The following CRYBA4 variants were observed in gnomAD, a reference collection of about 807,000 sequenced individuals.
The protein encoded by CRYBA4 is beta-crystallin A4.
Under a neutral mutation model 31.7 loss-of-function variants are expected in CRYBA4, and 30 were observed. That is an observed-to-expected ratio of 0.95 (90% CI 0.71 to 1.28). The LOEUF is 1.28. CRYBA4 is among the 50% of genes most tolerant of loss of function. CRYBA4 has a pLI of 0.00. For missense variants in CRYBA4, 225 were observed against 260.7 expected, an observed-to-expected ratio of 0.86 and a Z score of 0.94; for synonymous variants, 102 against 102.3, an observed-to-expected ratio of 1.00 and a Z score of 0.02.
At chr22:26,605,273 C>G in the CRYBA4 span, among the ~76,000 whole-genome samples, 18 of 152,194 alleles carry the variant, frequency 1.2e-4, no homozygotes, top group African/African-American at 4.3e-4. Context: ...TTATGATTAG[C>G]TTTTTGATAG....
the CRYBA4 span, among the ~76,000 whole-genome samples, chr22:26,601,078 C>A: frequency 1.6e-4 from 25 of 152,182 alleles, no homozygotes; most frequent in Middle Eastern, 6.8e-3. Flanking sequence ...GCTTGAATGG[C>A]AGGGATATAG....
chr22:26,623,616 TC>T (rs1929611720), intron 3 of CRYBA4, among the ~76,000 whole-genome samples: 1 of 152,086 alleles, frequency 6.6e-6, no homozygotes, highest in Non-Finnish European at 1.5e-5. Context: ...CAGTGTTGGA[TC>T]TAAAAATGTC....
chr22:26,626,749 G>A (rs1929714627), intron 4 of CRYBA4, among the ~76,000 whole-genome samples: 1 of 152,114 alleles, frequency 6.6e-6, no homozygotes, highest in Admixed American at 6.6e-5. Flanking sequence ...GGAGCATTTT[G>A]GATTTCGGAT....
intron 5 of CRYBA4, among the ~76,000 whole-genome samples, chr22:26,629,568 C>T (rs1569212747): frequency 6.6e-6 from 1 of 151,694 alleles, no homozygotes; most frequent in Non-Finnish European, 1.5e-5. Flanking sequence ...ATGGTGAAAG[C>T]CCGTCTCTAC....
At chr22:26,600,592 C>T in the CRYBA4 span, among the ~76,000 whole-genome samples, 3 of 152,226 alleles carry the variant, frequency 2.0e-5, no homozygotes, top group South Asian at 6.2e-4. Context: ...TGATAATGCA[C>T]CCACCTCCTT....
chr22:26,625,377 C>A, intron 3 of CRYBA4, 104 bp from the exon 4 acceptor site: 1 of 1,349,088 alleles, frequency 7.4e-7, no homozygotes, highest in South Asian at 1.2e-5. Context: ...GGCACAGTCA[C>A]CCCTGAATGG....
the CRYBA4 span, among the ~76,000 whole-genome samples, chr22:26,605,603 G>A: frequency 6.6e-6 from 1 of 150,850 alleles, no homozygotes; most frequent in Non-Finnish European, 1.5e-5. Flanking sequence ...GCCCCAGGGA[G>A]GTGAAGGTTG....
chr22:26,600,174 G>A, the CRYBA4 span, among the ~76,000 whole-genome samples: 2 of 152,142 alleles, frequency 1.3e-5, no homozygotes, highest in Non-Finnish European at 2.9e-5. Context: ...GGCTGAGGCG[G>A]GCAAATCACA....
At chr22:26,609,033 A>G in the CRYBA4 span, among the ~76,000 whole-genome samples, 1 of 152,264 alleles carries the variant, frequency 6.6e-6, no homozygotes, top group South Asian at 2.1e-4. Flanking sequence ...AGATAAGACA[A>G]TCCCCATTCC....
chr22:26,627,644 CTCTT>C lies in CRYBA4; in HGVS notation c.301-626_301-623del, dbSNP rs796475290. On this transcript the variant is annotated intron_variant, in intron 4 of 5. Transcript: ENST00000354760. Reference sequence around the variant, plus strand: ...TCCTTCCTTCCTTCCTTCTCTCTCTCTCTTTCTTTCTTTCTTTCTTTTGATGGAG... The same window carrying C: ...TCCTTCCTTCCTTCCTTCTCTCTCTCTCTTTCTTTCTTTCTTTTGATGGAG... Among the ~76,000 whole-genome samples, 157 of 140,154 alleles carry C rather than the reference CTCTT, an allele frequency of 1.1e-3. 1 individual carries two copies. The highest frequency in any genetic ancestry group is 3.7e-3 in the Middle Eastern group (1 of 268). The allele number at this position is 140,154 out of a possible 152,430, so 91.9% of individuals were successfully genotyped here. A position where few individuals can be genotyped will look rare whatever the true frequency, so the allele number is the denominator to read the frequency against.
chr22:26,601,925 A>G, the CRYBA4 span: 15 of 1,612,942 alleles, frequency 9.3e-6, no homozygotes, highest in East Asian at 2.2e-4. Flanking sequence ...CTGAAGCCGT[A>G]GACCCAGAGA....
the CRYBA4 span, among the ~76,000 whole-genome samples, chr22:26,616,685 G>T: frequency 6.6e-6 from 1 of 152,112 alleles, no homozygotes; most frequent in African/African-American, 2.4e-5. Flanking sequence ...TGCCTCCCTA[G>T]ACTAATAACA....
At chr22:26,606,436 AG>A in the CRYBA4 span, among the ~76,000 whole-genome samples, 1 of 152,354 alleles carries the variant, frequency 6.6e-6, no homozygotes, top group African/African-American at 2.4e-5. Flanking sequence ...ATCTCCATTT[AG>A]CCAAAATTCA....
Position 26,626,943 on chromosome 22 carries a change from T to C in CRYBA4, c.300+1321T>C, listed in dbSNP as rs187865241. Among the ~76,000 whole-genome samples the C allele has an allele frequency of 2.9e-4, 44 of 152,340 alleles. No homozygotes were observed. In the East Asian group the frequency reaches 6.7e-3, roughly 23 times the overall value. On this transcript the variant is annotated intron_variant, in intron 4 of 5. Coordinates refer to ENST00000354760, the MANE Select transcript of CRYBA4 (RefSeq NM_001886.3). ...AAACTAGCTTTTCTCACTGAGCAAATGTGTCGCAATCATCAGTCCAGGTGA... is the reference window on the plus strand; with the variant it reads ...AAACTAGCTTTTCTCACTGAGCAAACGTGTCGCAATCATCAGTCCAGGTGA...
chr22:26,629,286 T>TTTC (rs1929848664), intron 5 of CRYBA4, among the ~76,000 whole-genome samples: 1 of 152,022 alleles, frequency 6.6e-6, no homozygotes, highest in Non-Finnish European at 1.5e-5. Context: ...CTTTTTTTTT[T>TTTC]TTCTTTTTTT....
chr22:26,601,902 G>A, the CRYBA4 span: 2 of 1,612,276 alleles, frequency 1.2e-6, no homozygotes, highest in Non-Finnish European at 1.7e-6. Context: ...CCTTCACGCT[G>A]CCCACGCGGT....
the CRYBA4 span, among the ~76,000 whole-genome samples, chr22:26,602,982 G>A: frequency 6.6e-6 from 1 of 151,704 alleles, no homozygotes. Flanking sequence ...AAAATTAGCC[G>A]GGCGTGGTGG....
At chr22:26,620,205 C>A (rs1175443956), upstream of CRYBA4, among the ~76,000 whole-genome samples, 1 of 152,128 alleles carries the variant, frequency 6.6e-6, no homozygotes, top group African/African-American at 2.4e-5. Context: ...AAACTATGCA[C>A]CCCTGCTTTT....
At chr22:26,628,965 T>G (rs571516532) in intron 5 of CRYBA4, among the ~76,000 whole-genome samples, 13 of 152,336 alleles carry the variant, frequency 8.5e-5, no homozygotes, top group Admixed American at 8.5e-4. Context: ...CATTGCTAGA[T>G]TCAGCCTCAT....
Sources: allele counts gnomAD v4.1 joint callset (sites outside exome capture counted in the v4.1 genomes callset), GRCh38; gene constraint gnomAD v4.1.1; transcripts MANE v1.5; gene names NCBI Gene and HGNC (gene_info 2026-07-23, HGNC 2026-07-21).